The following MYO10 variants were observed in gnomAD, a reference collection of about 807,000 sequenced individuals.
MYO10 encodes the protein myosin X.
A neutral mutation model predicts 257.3 loss-of-function variants in MYO10; 133 were observed. The observed-to-expected ratio is 0.52, with a 90% CI of 0.45 to 0.60. The LOEUF is 0.60. MYO10 is among the 20% of genes least tolerant of loss of function. The probability of loss-of-function intolerance (pLI) is 0.00; values close to 1 mark genes in which losing one functional copy is unlikely to be tolerated. For synonymous variants in MYO10, 1,104 were observed against 1,028.6 expected, an observed-to-expected ratio of 1.07 and a Z score of -1.40; for missense variants, 2,399 against 2,635.7, an observed-to-expected ratio of 0.91 and a Z score of 1.97.
intron 3 of MYO10, among the ~76,000 whole-genome samples, chr5:16,808,182 G>A (rs1346445803): frequency 6.6e-6 from 1 of 152,180 alleles, no homozygotes; most frequent in African/African-American, 2.4e-5. Flanking sequence ...AAACATTTCA[G>A]CCACGTGTAG....
At chr5:16,831,707 T>C (rs1743167983) in intron 2 of MYO10, among the ~76,000 whole-genome samples, 1 of 152,008 alleles carries the variant, frequency 6.6e-6, no homozygotes, top group African/African-American at 2.4e-5. Context: ...ACAATGGACT[T>C]TGGGGAATCA....
intron 4 of MYO10, among the ~76,000 whole-genome samples, chr5:16,794,383 T>TTA (rs751679786): frequency 7.1e-6 from 1 of 140,604 alleles, no homozygotes. Context: ...AATGTTGCTT[T>TTA]AAAAAAAAAA....
intron 1 of MYO10, among the ~76,000 whole-genome samples, chr5:16,906,137 G>A (rs752020375): frequency 1.3e-5 from 2 of 152,122 alleles, no homozygotes; most frequent in African/African-American, 2.4e-5. Context: ...CTGGCAGGAC[G>A]GCTGCTATCC....
chr5:16,694,424 A>T lies in MYO10; in HGVS notation c.3747T>A (p.Phe1249Leu). 6.2e-7 allele frequency: 1 copy of T among 1,614,042 alleles called. No individual in the cohort carries two copies. Among genetic ancestry groups the T allele is most frequent in the Non-Finnish European group, 8.5e-7 (1 of 1,179,900 alleles). Residue 1249 changes from phenylalanine (F) to leucine (L), a missense_variant, in exon 27 of 41, where the codon TTT becomes TTA. Physicochemically the swap from Phe to Leu is conservative, Grantham distance 22 (BLOSUM62 0). This residue lies in a region of MYO10 where 1,820 missense variants were observed against 1,939.4 expected (regional missense o/e 0.94). Transcript: ENST00000513610. ...FVLRQSKLMY[F>L]ENDSEEKLKG... ...TGAGCTTCTCCTCGCTGTCGTTTTCAAAGTACATCAGCTTGGACTGGCGGA... is the reference window on the plus strand; with the variant it reads ...TGAGCTTCTCCTCGCTGTCGTTTTCTAAGTACATCAGCTTGGACTGGCGGA...
intron 1 of MYO10, 49 bp downstream of exon 1, chr5:16,935,738 GC>G (rs751534696): frequency 2.5e-6 from 4 of 1,609,820 alleles, no homozygotes; most frequent in Non-Finnish European, 3.4e-6. Context: ...GTGGGCAGAC[GC>G]CTCTCTCCCT....
intron 1 of MYO10, among the ~76,000 whole-genome samples, chr5:16,889,362 C>T (rs887032329): frequency 1.7e-4 from 26 of 150,932 alleles, no homozygotes; most frequent in African/African-American, 6.3e-4. Context: ...GCCGAGATCA[C>T]GCCACTATAC....
intron 19 of MYO10, among the ~76,000 whole-genome samples, chr5:16,721,467 G>A (rs1308017645): frequency 6.7e-5 from 3 of 44,812 alleles, no homozygotes; most frequent in Admixed American, 6.4e-4. Context: ...CTCCGGGGCT[G>A]TTAAACACTT....
intron 2 of MYO10, among the ~76,000 whole-genome samples, chr5:16,852,702 C>G (rs946252640): frequency 1.3e-5 from 2 of 151,972 alleles, no homozygotes; most frequent in African/African-American, 4.8e-5. Flanking sequence ...CCCTATTCTT[C>G]TGTTTTCTCA....
intron 2 of MYO10, among the ~76,000 whole-genome samples, chr5:16,822,285 C>G (rs1450268348): frequency 6.6e-6 from 1 of 151,874 alleles, no homozygotes; most frequent in African/African-American, 2.4e-5. Context: ...ACGAGTCAAG[C>G]AAATAATTCC....
intron 19 of MYO10, among the ~76,000 whole-genome samples, chr5:16,730,219 C>T (rs148933653): frequency 2.6e-5 from 4 of 152,188 alleles, no homozygotes; most frequent in African/African-American, 7.2e-5. Context: ...CAAGTCCTGA[C>T]CCTGTGGAGC....
intron 3 of MYO10, among the ~76,000 whole-genome samples, chr5:16,809,075 C>G (rs761304402): frequency 5.3e-5 from 8 of 152,068 alleles, no homozygotes; most frequent in Non-Finnish European, 8.8e-5. Context: ...AGCGGCCACT[C>G]CGGAGCATAA....
intron 2 of MYO10, among the ~76,000 whole-genome samples, chr5:16,873,683 A>G (rs945009547): frequency 2.6e-5 from 4 of 152,192 alleles, no homozygotes; most frequent in African/African-American, 9.7e-5. Context: ...GAGGTTCCCA[A>G]ACCTCAATTC....
chr5:16,717,795 C>T (rs1399233097), intron 19 of MYO10, among the ~76,000 whole-genome samples: 1 of 152,250 alleles, frequency 6.6e-6, no homozygotes, highest in Non-Finnish European at 1.5e-5. Context: ...ACTGGCAGTC[C>T]TCAGAGCCCT....
intron 1 of MYO10, chr5:16,902,465 G>C: frequency 6.9e-7 from 1 of 1,450,794 alleles, no homozygotes; most frequent in Admixed American, 1.7e-5. Context: ...CATAGGCATC[G>C]AAGACGCTCG....
intron 24 of MYO10, among the ~76,000 whole-genome samples, chr5:16,702,259 A>G (rs1738113974): frequency 6.6e-6 from 1 of 152,176 alleles, no homozygotes; most frequent in African/African-American, 2.4e-5. Context: ...CCACTGTTCA[A>G]TCCACCAGTC....
chr5:16,768,470 A>G (rs1233051671), intron 10 of MYO10, among the ~76,000 whole-genome samples: 1 of 152,060 alleles, frequency 6.6e-6, no homozygotes, highest in Non-Finnish European at 1.5e-5. Flanking sequence ...ACATTTTCCT[A>G]TGTCGATTCC....
chr5:16,933,639 CATTA>C (rs1430270844), intron 1 of MYO10, among the ~76,000 whole-genome samples: 2 of 152,288 alleles, frequency 1.3e-5, no homozygotes, highest in South Asian at 2.1e-4. Context: ...TCTAACAGGA[CATTA>C]ATTACAGCAT....
chr5:16,751,799 G>T (rs1740385317), intron 19 of MYO10, among the ~76,000 whole-genome samples: 1 of 151,990 alleles, frequency 6.6e-6, no homozygotes, highest in African/African-American at 2.4e-5. Context: ...CCTTTAAAAG[G>T]GCACCAAGAC....
Position 16,881,285 on chromosome 5 carries a change from T to A in MYO10, c.22-3578A>T, listed in dbSNP as rs550840048. ...CAGGATTAATATGTACCCTTTTGGC[T>A]TCCACAGGCCATCCAGAACATATTT... On this transcript the variant is annotated intron_variant, in intron 1 of 40. Coordinates refer to ENST00000513610, the MANE Select transcript of MYO10 (RefSeq NM_012334.3). 2.0e-5 allele frequency among the ~76,000 whole-genome samples: 3 copies of A among 152,370 alleles called. No homozygotes were observed. The East Asian group carries it at 5.8e-4, about 29-fold the overall frequency.
Sources: gnomAD v4.1 joint callset for allele counts (sites outside exome capture counted in the v4.1 genomes callset) on GRCh38, gnomAD v4.1.1 for gene constraint, gnomAD v4.1.1 regional missense constraint, MANE v1.5 for transcripts, NCBI Gene and HGNC (gene_info 2026-07-23, HGNC 2026-07-21) for gene names.